HS6ST1: variants seen among roughly 807,000 people sequenced by gnomAD.
HS6ST1 encodes heparan-sulfate 6-O-sulfotransferase 1.
A neutral mutation model predicts 25.2 loss-of-function variants in HS6ST1; 3 were observed. That is an observed-to-expected ratio of 0.12 (90% CI 0.05 to 0.31). The LOEUF is 0.31. Among genes scored for constraint, HS6ST1 ranks in the 10% least tolerant of loss-of-function variants. The pLI is 1.00. For synonymous variants in HS6ST1, 204 were observed against 275.1 expected, an observed-to-expected ratio of 0.74 and a Z score of 2.56; for missense variants, 310 against 609.6, an observed-to-expected ratio of 0.51 and a Z score of 5.18.
chr2:128,315,749 G>A (rs567194023), intron 1 of HS6ST1, among the ~76,000 whole-genome samples: 2 of 152,300 alleles, frequency 1.3e-5, no homozygotes, highest in South Asian at 4.1e-4. Context: ...GCGGGGCAGC[G>A]CTCAGCAGGT....
chr2:128,266,916 G>A lies in HS6ST1; in HGVS notation c.*1246C>T, dbSNP rs1331034863. The A allele has an allele frequency of 6.6e-6, 1 of 152,124 alleles. No homozygotes were observed. The highest frequency in any genetic ancestry group is 2.4e-5 in the African/African-American group (1 of 41,372). The allele number at this position is 152,124 out of a possible 1,614,324, so 9.4% of individuals were successfully genotyped here. A position where few individuals can be genotyped will look rare whatever the true frequency, so the allele number is the denominator to read the frequency against. ...AACCTGCGCGGCTGCTGGGAACAGAGCATGGCCAGCCTTTTGCCAGGGGGT... is the reference window on the plus strand; with the variant it reads ...AACCTGCGCGGCTGCTGGGAACAGAACATGGCCAGCCTTTTGCCAGGGGGT... On this transcript the variant is annotated 3_prime_UTR_variant, in exon 2 of 2. Transcript: ENST00000259241.
intron 1 of HS6ST1, among the ~76,000 whole-genome samples, chr2:128,315,189 T>C (rs946822955): frequency 5.9e-5 from 9 of 152,210 alleles, no homozygotes; most frequent in African/African-American, 1.9e-4. Flanking sequence ...GACCCGCCAA[T>C]GCTCTGCTCA....
chr2:128,272,833 G>A (rs541600204), intron 1 of HS6ST1, among the ~76,000 whole-genome samples: 64 of 152,294 alleles, frequency 4.2e-4, no homozygotes, highest in Non-Finnish European at 7.6e-4. Context: ...ATCTAAGTCC[G>A]GGGCCCTCAG....
Position 128,296,798 on chromosome 2 carries a change from A to T in HS6ST1, c.527+21239T>A, listed in dbSNP as rs1487733399. 2.0e-5 allele frequency among the ~76,000 whole-genome samples: 3 copies of T among 152,248 alleles called. No homozygotes were observed. The East Asian group carries it at 5.8e-4, about 29-fold the overall frequency. On this transcript the variant is annotated intron_variant, in intron 1 of 1. Transcript: ENST00000259241. ...TTAAGATGTAAATACTACTCATGTA[A>T]TCTACAGATTTAATGAAATCCCTAT...
At chr2:128,274,032 G>C (rs1253479511) in intron 1 of HS6ST1, among the ~76,000 whole-genome samples, 1 of 152,214 alleles carries the variant, frequency 6.6e-6, no homozygotes, top group Non-Finnish European at 1.5e-5. Flanking sequence ...TGAAGGGTCT[G>C]TGCCCCAGAG....
intron 1 of HS6ST1, among the ~76,000 whole-genome samples, chr2:128,292,747 G>C (rs780432965): frequency 1.3e-5 from 2 of 152,116 alleles, no homozygotes; most frequent in Non-Finnish European, 2.9e-5. Flanking sequence ...ATGGGGCGGA[G>C]GGGAGGGGCG....
chr2:128,306,175 C>T (rs924569558), intron 1 of HS6ST1, among the ~76,000 whole-genome samples: 4 of 152,218 alleles, frequency 2.6e-5, no homozygotes, highest in African/African-American at 4.8e-5. Flanking sequence ...ACTGCACCCT[C>T]GGGACAGGAA....
chr2:128,304,037 G>A (rs532444269), intron 1 of HS6ST1, among the ~76,000 whole-genome samples: 22 of 152,268 alleles, frequency 1.4e-4, no homozygotes, highest in African/African-American at 4.8e-4. Context: ...CCAGGTTCTC[G>A]GGCCTTTGGG....
chr2:128,314,246 C>T (rs77127579), intron 1 of HS6ST1, among the ~76,000 whole-genome samples: 2,006 of 152,196 alleles, frequency 0.013, 39 homozygotes, highest in African/African-American at 0.046. Context: ...CCTACCTGGT[C>T]TGCCCCACCA....
chr2:128,281,807 C>G (rs1195993260), intron 1 of HS6ST1, among the ~76,000 whole-genome samples: 1 of 152,232 alleles, frequency 6.6e-6, no homozygotes, highest in Non-Finnish European at 1.5e-5. Context: ...AGCCTGGGCT[C>G]AGGAGTAACT....
chr2:128,265,747 G>A lies in HS6ST1; in HGVS notation c.*2415C>T, dbSNP rs1693500956. On this transcript the variant is annotated 3_prime_UTR_variant, in exon 2 of 2. Coordinates refer to ENST00000259241, the MANE Select transcript of HS6ST1 (RefSeq NM_004807.3). ...TGTTCCTGGCTTCCCCTTCCAGGAG[G>A]GGACGTTTGCAGGTCTGGGGGTCCT... is the stretch of plus-strand genomic sequence containing the variant. The A allele has an allele frequency of 6.6e-6, 1 of 152,158 alleles. No individual in the cohort carries two copies. 9.4% of individuals were successfully genotyped at this position (152,158 alleles called of 1,614,324 possible). A position where few individuals can be genotyped will look rare whatever the true frequency, so the allele number is the denominator to read the frequency against.
intron 1 of HS6ST1, among the ~76,000 whole-genome samples, chr2:128,308,364 G>A (rs1694241944): frequency 1.3e-5 from 2 of 152,244 alleles, no homozygotes; most frequent in Non-Finnish European, 2.9e-5. Flanking sequence ...AGGGAAGGGA[G>A]GAACCACTGC....
rs764697760 is a variant in HS6ST1 at position 128,268,431 on chromosome 2, G to A, written c.967C>T (p.Arg323Trp). ...TCATCCACCTCCACGCCGCCCGCCC[G>A]CGTGCTATTGTACTGCATGAAGGGC... Reference protein sequence around the residue: ...IRPFMQYNSTRAGGVEVDEDT... With the variant: ...IRPFMQYNSTWAGGVEVDEDT... Residue 323 changes from arginine to tryptophan, a missense_variant, in exon 2 of 2, where the codon CGG (arginine) becomes TGG (tryptophan). Physicochemically the swap from Arg to Trp is moderately radical, Grantham distance 101. Coordinates refer to ENST00000259241, the MANE Select transcript of HS6ST1 (RefSeq NM_004807.3). 4.6e-5 allele frequency: 75 copies of A among 1,613,626 alleles called. No homozygotes were observed. The highest frequency in any genetic ancestry group is 2.2e-4 in the Admixed American group (13 of 60,020).
At chr2:128,304,092 C>T (rs1049363137) in intron 1 of HS6ST1, among the ~76,000 whole-genome samples, 1 of 152,208 alleles carries the variant, frequency 6.6e-6, no homozygotes, top group Non-Finnish European at 1.5e-5. Flanking sequence ...AGGCCTTTGG[C>T]CTTGGACTAA....
intron 1 of HS6ST1, among the ~76,000 whole-genome samples, chr2:128,281,215 A>C (rs994616394): frequency 5.3e-5 from 8 of 152,198 alleles, no homozygotes; most frequent in African/African-American, 1.9e-4. Flanking sequence ...TGCTGGCCTC[A>C]TGACGCTGCT....
At chr2:128,270,576 G>A (rs904316423) in intron 1 of HS6ST1, among the ~76,000 whole-genome samples, 2 of 152,198 alleles carry the variant, frequency 1.3e-5, no homozygotes, top group Non-Finnish European at 2.9e-5. Context: ...GGGAGTAAGG[G>A]CCCGAGGCGG....
chr2:128,268,422 C>A lies in HS6ST1; in HGVS notation c.976G>T (p.Gly326Cys). 1 of 1,613,640 alleles carries A rather than the reference C, an allele frequency of 6.2e-7. No individual in the cohort carries two copies. Among genetic ancestry groups the A allele is most frequent in the Non-Finnish European group, 8.5e-7 (1 of 1,179,860 alleles). Residue 326 changes from glycine to cysteine, a missense_variant, in exon 2 of 2, where the codon GGC (glycine) becomes TGC (cysteine). Gly to Cys is a radical substitution (Grantham distance 159). Transcript: ENST00000259241. ...FMQYNSTRAG[G>C]VEVDEDTIRR... is the part of the protein sequence containing the mutation. ...ATGGTGTCTTCATCCACCTCCACGC[C>A]GCCCGCCCGCGTGCTATTGTACTGC...
At chr2:128,306,605 T>G (rs1694215752) in intron 1 of HS6ST1, among the ~76,000 whole-genome samples, 1 of 152,174 alleles carries the variant, frequency 6.6e-6, no homozygotes, top group Admixed American at 6.5e-5. Flanking sequence ...GAAGGCGCTT[T>G]CTAATTCTCA....
At chr2:128,290,433 A>T (rs1315000411) in intron 1 of HS6ST1, among the ~76,000 whole-genome samples, 2 of 152,192 alleles carry the variant, frequency 1.3e-5, no homozygotes, top group Non-Finnish European at 2.9e-5. Context: ...CTAAGCTCAG[A>T]GTTCAAATAT....
Sources: gnomAD v4.1 joint callset for allele counts (sites outside exome capture counted in the v4.1 genomes callset) on GRCh38, gnomAD v4.1.1 for gene constraint, MANE v1.5 for transcripts, NCBI Gene and HGNC (gene_info 2026-07-23, HGNC 2026-07-21) for gene names.